The following AGAP4 variants were observed in gnomAD, a reference collection of about 807,000 sequenced individuals.
AGAP4 encodes arf-GAP with GTPase, ANK repeat and PH domain-containing protein 4.
In AGAP4, 13 loss-of-function variants were observed where a neutral mutation model predicts 60.7. The observed-to-expected ratio is 0.21, with a 90% confidence interval of 0.14 to 0.34. The LOEUF (loss-of-function observed/expected upper bound fraction) is 0.34, where lower values mean the gene tolerates loss of function less well. Ranked by LOEUF, AGAP4 falls within the 10% of genes least tolerant of loss-of-function variation. The pLI is 1.00. For synonymous variants in AGAP4, 70 were observed against 339.0 expected (o/e 0.21, Z 8.72); for missense variants, 169 against 884.0 (o/e 0.19, Z 10.26).
chr10:45,852,486 A>G (rs1281750016), upstream of AGAP4, among the ~76,000 whole-genome samples: 7 of 150,420 alleles, frequency 4.7e-5, no homozygotes, highest in Non-Finnish European at 1.0e-4. Flanking sequence ...TTAGAGGAAG[A>G]GGAAAAAATA....
rs1467355348 is a variant in AGAP4 at position 45,837,663 on chromosome 10, C to T, written c.397-3547G>A. Among the ~76,000 whole-genome samples, 904 of 151,738 alleles carry T rather than the reference C, an allele frequency of 6.0e-3. 7 individuals carry two copies. The highest frequency in any genetic ancestry group is 0.021 in the African/African-American group (868 of 41,340). ...AATGGTGCTGGGATAATTGGCAAGC[C>T]ACATGCGGGAGAATGAAACTGGATC... On this transcript the variant is annotated intron_variant, in intron 4 of 7. Coordinates refer to ENST00000616763, the MANE Select transcript of AGAP4 (RefSeq NM_001276343.3).
chr10:45,854,435 T>C (rs1219469725), upstream of AGAP4: 15 of 151,502 alleles, frequency 9.9e-5, 1 homozygote, highest in East Asian at 3.9e-4. Context: ...CGAGACCAAC[T>C]TCGCCTACGT....
At chr10:45,851,102 A>T (rs1304131970), upstream of AGAP4, among the ~76,000 whole-genome samples, 2 of 152,048 alleles carry the variant, frequency 1.3e-5, no homozygotes, top group Non-Finnish European at 2.9e-5. Context: ...TGAAAAAAAA[A>T]AGCCATTTAA....
chr10:45,828,697 T>C (rs1335344400), intron 6 of AGAP4, among the ~76,000 whole-genome samples: 7 of 122,258 alleles, frequency 5.7e-5, no homozygotes, highest in Admixed American at 3.2e-4. Flanking sequence ...TTTTTTTTTT[T>C]TTTTTTTTTT....
At chr10:45,830,924 T>C (rs4043058) in intron 6 of AGAP4, among the ~76,000 whole-genome samples, 10,522 of 88,054 alleles carry the variant, frequency 0.12, 7 homozygotes, top group South Asian at 0.22. Context: ...AGAAAAGTTA[T>C]TTTTCAATGA....
chr10:45,852,113 C>T (rs576019610), upstream of AGAP4, among the ~76,000 whole-genome samples: 69 of 148,622 alleles, frequency 4.6e-4, 1 homozygote, highest in African/African-American at 1.5e-3. Context: ...GGGGTTTCAA[C>T]GTGTTAGGCA....
At chr10:45,853,831 A>G in exon 1 of AGAP4, 1 of 1,282,230 alleles carries the variant, frequency 7.8e-7, no homozygotes, top group East Asian at 5.6e-5. Context: ...GATCCTCTGC[A>G]GATGGGTCTA....
chr10:45,829,376 C>A (rs1380819130), intron 6 of AGAP4, among the ~76,000 whole-genome samples: 2 of 142,694 alleles, frequency 1.4e-5, no homozygotes, highest in South Asian at 2.4e-4. Context: ...TAACTGTGAA[C>A]TGAAAAATCA....
intron 5 of AGAP4, among the ~76,000 whole-genome samples, chr10:45,832,378 T>C (rs2058748370): frequency 6.7e-6 from 1 of 149,926 alleles, no homozygotes; most frequent in Non-Finnish European, 1.5e-5. Context: ...CAGTTTCTCG[T>C]CCTAAACTCA....
At chr10:45,850,076 C>T (rs1490522509), upstream of AGAP4, among the ~76,000 whole-genome samples, 2 of 151,686 alleles carry the variant, frequency 1.3e-5, no homozygotes, top group African/African-American at 4.9e-5. Context: ...ATTACAGGAG[C>T]CCAACCCCAT....
rs1449915076 is a variant in AGAP4, at chr10:45,841,823, T to A, written c.362-136A>T. 3 of 911,610 alleles carry A rather than the reference T, an allele frequency of 3.3e-6. 1 individual carries two copies. Among genetic ancestry groups the A allele is most frequent in the East Asian group, 5.9e-5 (2 of 34,150 alleles). 56.5% of individuals were successfully genotyped at this position (911,610 alleles called of 1,614,324 possible). ...TAAAAAAAAAATTTTCAATAACATATAATTTAAATTATCTGGCATGATTAA... is the reference window on the plus strand; with the variant it reads ...TAAAAAAAAAATTTTCAATAACATAAAATTTAAATTATCTGGCATGATTAA... On this transcript the variant is annotated intron_variant, in intron 3 of 7. Transcript: ENST00000616763.
intron 2 of AGAP4, among the ~76,000 whole-genome samples, chr10:45,846,306 C>T (rs1156729378): frequency 2.7e-5 from 4 of 149,976 alleles, no homozygotes; most frequent in Non-Finnish European, 3.0e-5. Flanking sequence ...TAAGCACTCT[C>T]CTTTTTTCTT....
intron 3 of AGAP4, among the ~76,000 whole-genome samples, chr10:45,843,996 G>A (rs2058960889): frequency 6.7e-6 from 1 of 149,468 alleles, no homozygotes; most frequent in Non-Finnish European, 1.5e-5. Flanking sequence ...TTTGGAGCAA[G>A]GGAAAAGGGA....
upstream of AGAP4, among the ~76,000 whole-genome samples, chr10:45,849,848 C>T (rs1378728476): frequency 6.6e-6 from 1 of 151,404 alleles, no homozygotes; most frequent in African/African-American, 2.4e-5. Context: ...GCACGTTGGT[C>T]AGGCCCGCCT....
upstream of AGAP4, chr10:45,848,796 G>T (rs1329074658): frequency 2.0e-5 from 3 of 152,110 alleles, no homozygotes; most frequent in East Asian, 5.8e-4. Context: ...GGAGGCCTCA[G>T]GAAACTTAGA....
At chr10:45,830,221 G>T (rs1481532392) in intron 6 of AGAP4, among the ~76,000 whole-genome samples, 2 of 147,328 alleles carry the variant, frequency 1.4e-5, no homozygotes, top group Non-Finnish European at 3.0e-5. Flanking sequence ...CACCCAGGCT[G>T]GGGTGCAATG....
chr10:45,854,633 C>CAAAACAA (rs1265743204), upstream of AGAP4: 13 of 66,258 alleles, frequency 2.0e-4, no homozygotes, highest in East Asian at 1.8e-3. Context: ...GACTCCCTCT[C>CAAAACAA]AAAAAAAAAA....
At chr10:45,836,754 A>G (rs2058823979) in intron 4 of AGAP4, among the ~76,000 whole-genome samples, 2 of 105,340 alleles carry the variant, frequency 1.9e-5, no homozygotes, top group African/African-American at 7.3e-5. Context: ...TTAGATGATC[A>G]TGTGATTTTT....
intron 4 of AGAP4, among the ~76,000 whole-genome samples, chr10:45,836,102 G>T (rs1340456780): frequency 3.4e-5 from 5 of 146,410 alleles, no homozygotes; most frequent in Admixed American, 6.8e-5. Flanking sequence ...ATTGGATGCG[G>T]ATGCCCACGC....
Sources: gnomAD v4.1 joint callset for allele counts (sites outside exome capture counted in the v4.1 genomes callset) on GRCh38, gnomAD v4.1.1 for gene constraint, MANE v1.5 for transcripts, NCBI Gene and HGNC (gene_info 2026-07-23, HGNC 2026-07-21) for gene names.